The following PPP4R2 variants were observed in gnomAD, a reference collection of about 807,000 sequenced individuals.
The protein encoded by PPP4R2 is protein phosphatase 4 regulatory subunit 2.
A neutral mutation model predicts 47.2 loss-of-function variants in PPP4R2; 13 were observed. The observed-to-expected ratio is 0.28, with a 90% CI of 0.18 to 0.44. The LOEUF is 0.44. PPP4R2 is among the 20% of genes least tolerant of loss of function. PPP4R2 has a pLI of 1.00. For missense variants in PPP4R2, 421 were observed against 491.2 expected (o/e 0.86, Z 1.35); for synonymous variants, 151 against 163.3 (o/e 0.92, Z 0.57).
intron 2 of PPP4R2, among the ~76,000 whole-genome samples, chr3:73,015,426 G>T (rs140940671): frequency 4.0e-5 from 6 of 150,356 alleles, no homozygotes; most frequent in Non-Finnish European, 8.8e-5. Context: ...ATCCACCCGC[G>T]TTGGCCTCCC....
chr3:73,060,400 G>A (rs562410414), intron 4 of PPP4R2, among the ~76,000 whole-genome samples: 1 of 152,248 alleles, frequency 6.6e-6, no homozygotes, highest in South Asian at 2.1e-4. Context: ...TTAAATCAGG[G>A]TTGCAGTGTT....
chr3:72,999,275 C>T (rs572172924), intron 2 of PPP4R2, among the ~76,000 whole-genome samples: 71 of 152,124 alleles, frequency 4.7e-4, no homozygotes, highest in Non-Finnish European at 9.7e-4. Context: ...TTTTTACCTT[C>T]GCATTAGGGT....
chr3:72,997,197 C>A, intron 1 of PPP4R2, 126 bp downstream of exon 1: 1 of 661,624 alleles, frequency 1.5e-6, no homozygotes, highest in Non-Finnish European at 2.2e-6. Context: ...CCCGGGCTCC[C>A]ATCCCCCTCC....
intron 2 of PPP4R2, among the ~76,000 whole-genome samples, chr3:73,039,569 A>G (rs548686196): frequency 3.3e-5 from 5 of 152,316 alleles, no homozygotes; most frequent in Admixed American, 6.5e-5. Flanking sequence ...GAATGGGCCC[A>G]TGGTTCTTAA....
chr3:73,031,886 T>C (rs981609652), intron 2 of PPP4R2, among the ~76,000 whole-genome samples: 3 of 152,236 alleles, frequency 2.0e-5, no homozygotes, highest in Non-Finnish European at 2.9e-5. Context: ...ATTGGGTGCT[T>C]ACTAGGTGTC....
chr3:73,060,466 TA>T (rs1221365205), intron 4 of PPP4R2, among the ~76,000 whole-genome samples: 1 of 152,196 alleles, frequency 6.6e-6, no homozygotes, highest in Non-Finnish European at 1.5e-5. Flanking sequence ...ATGTGGTTAA[TA>T]ATAGGGCTGG....
intron 2 of PPP4R2, among the ~76,000 whole-genome samples, chr3:73,013,170 A>G (rs1701758280): frequency 6.6e-6 from 1 of 152,188 alleles, no homozygotes; most frequent in Non-Finnish European, 1.5e-5. Flanking sequence ...TATGGCTAAA[A>G]TCAGTGCCAT....
At chr3:73,054,897 T>C (rs1489343076) in intron 3 of PPP4R2, among the ~76,000 whole-genome samples, 1 of 152,196 alleles carries the variant, frequency 6.6e-6, no homozygotes, top group Non-Finnish European at 1.5e-5. Flanking sequence ...AAAATTTATC[T>C]TTTAAAAAAT....
chr3:73,047,105 A>C (rs1232197087), intron 2 of PPP4R2, 81 bp from the exon 3 acceptor site: 3 of 774,588 alleles, frequency 3.9e-6, no homozygotes, highest in African/African-American at 3.5e-5. Context: ...TTAGTGTCAT[A>C]GTATATTTTA....
intron 2 of PPP4R2, among the ~76,000 whole-genome samples, chr3:73,038,909 T>C (rs1702319334): frequency 6.6e-6 from 1 of 152,214 alleles, no homozygotes; most frequent in African/African-American, 2.4e-5. Flanking sequence ...ATCCTTTATG[T>C]GTACAACCAT....
At chr3:73,045,349 G>A (rs1702460109) in intron 2 of PPP4R2, among the ~76,000 whole-genome samples, 1 of 151,894 alleles carries the variant, frequency 6.6e-6, no homozygotes, top group Non-Finnish European at 1.5e-5. Context: ...AGAATATTTT[G>A]GGACTATATC....
At chr3:73,060,373 T>C (rs1024873987) in intron 4 of PPP4R2, among the ~76,000 whole-genome samples, 13 of 152,200 alleles carry the variant, frequency 8.5e-5, no homozygotes, top group Non-Finnish European at 1.8e-4. Flanking sequence ...ACAGTAGTCA[T>C]ACCAGGTGCC....
At chr3:73,062,289 C>A (rs370588670) in intron 5 of PPP4R2, 10 of 1,607,654 alleles carry the variant, frequency 6.2e-6, no homozygotes, top group Non-Finnish European at 8.5e-7. Flanking sequence ...CAGGAGTGGG[C>A]TCCCTGACCT....
intron 5 of PPP4R2, chr3:73,063,174 A>G: frequency 4.4e-6 from 2 of 452,166 alleles, no homozygotes; most frequent in South Asian, 5.3e-5. Flanking sequence ...CATTTTTGGG[A>G]TTTAAAGCTC....
chr3:73,028,152 G>A (rs1378319475), intron 2 of PPP4R2, among the ~76,000 whole-genome samples: 32 of 151,036 alleles, frequency 2.1e-4, no homozygotes. Context: ...AGCTACTCAG[G>A]AAGCTGAGGC....
chr3:73,033,551 C>T (rs960718813), intron 2 of PPP4R2, among the ~76,000 whole-genome samples: 11 of 152,148 alleles, frequency 7.2e-5, no homozygotes, highest in African/African-American at 2.7e-4. Context: ...TGAAATTTAC[C>T]ACTTTTTAAC....
chr3:73,035,891 C>G (rs1039752935), intron 2 of PPP4R2, among the ~76,000 whole-genome samples: 3 of 152,300 alleles, frequency 2.0e-5, no homozygotes, highest in African/African-American at 7.2e-5. Context: ...GCTGGGATTA[C>G]AGGCATGAGC....
At chr3:73,008,832 G>C (rs1174841365) in intron 2 of PPP4R2, among the ~76,000 whole-genome samples, 1 of 152,106 alleles carries the variant, frequency 6.6e-6, no homozygotes, top group Non-Finnish European at 1.5e-5. Flanking sequence ...AATGAACTCT[G>C]ATTGGACAGT....
At chr3:73,015,939 G>GT (rs887421269) in intron 2 of PPP4R2, 19 of 237,178 alleles carry the variant, frequency 8.0e-5, no homozygotes, top group East Asian at 5.0e-4. Flanking sequence ...CACCCGCCCT[G>GT]TTTTTTTGAG....
Sources: allele counts gnomAD v4.1 joint callset (sites outside exome capture counted in the v4.1 genomes callset), GRCh38; gene constraint gnomAD v4.1.1; transcripts MANE v1.5; gene names NCBI Gene and HGNC (gene_info 2026-07-23, HGNC 2026-07-21).